Variants in CNTNAP5 observed in about 807,000 individuals in gnomAD.
CNTNAP5 encodes the protein contactin associated protein family member 5.
A neutral mutation model predicts 150.2 loss-of-function variants in CNTNAP5; 72 were observed. The observed-to-expected ratio is 0.48, with a 90% CI of 0.40 to 0.58. CNTNAP5 has a LOEUF of 0.58. Ranked by LOEUF, CNTNAP5 falls within the 20% of genes least tolerant of loss-of-function variation. The pLI is 0.00. For synonymous variants in CNTNAP5, 672 were observed against 619.8 expected, an observed-to-expected ratio of 1.08 and a Z score of -1.25; for missense variants, 1,636 against 1,626.2, an observed-to-expected ratio of 1.01 and a Z score of -0.10.
At chr2:124,362,017 C>A (rs893687691) in intron 3 of CNTNAP5, among the ~76,000 whole-genome samples, 1 of 152,190 alleles carries the variant, frequency 6.6e-6, no homozygotes, top group Non-Finnish European at 1.5e-5. Context: ...TGTGGTGCGC[C>A]GTTTTTTAAG....
In CNTNAP5 at chr2:124,860,414, CCCTTCCTTCCTTCCTTCCTTCCTTCCTT is replaced by C. The variant is rs201141839; in HGVS notation, c.3218-4882_3218-4855del. On this transcript the variant is annotated intron_variant, in intron 19 of 23. Transcript: ENST00000682447. ...TTATTTCCTCCCTGCCTCCCTCTCT[CCCTTCCTTCCTTCCTTCCTTCCTTCCTT>C]CCTTCCTTCTTTCCTTCCTTCCTTC... Among the ~76,000 whole-genome samples, 286 of 95,236 alleles carry C rather than the reference CCCTTCCTTCCTTCCTTCCTTCCTTCCTT, an allele frequency of 3.0e-3. 18 individuals carry two copies. The highest frequency in any genetic ancestry group is 0.018 in the African/African-American group (256 of 13,866). 62.5% of individuals were successfully genotyped at this position (95,236 alleles called of 152,430 possible). A position where few individuals can be genotyped will look rare whatever the true frequency, so the allele number is the denominator to read the frequency against.
chr2:124,385,343 T>C (rs996998058), intron 3 of CNTNAP5, among the ~76,000 whole-genome samples: 2 of 152,146 alleles, frequency 1.3e-5, no homozygotes, highest in African/African-American at 4.8e-5. Flanking sequence ...TGCTAAGAAT[T>C]TTGCATGCAT....
intron 11 of CNTNAP5, among the ~76,000 whole-genome samples, chr2:124,570,245 A>G (rs547263390): frequency 6.6e-6 from 1 of 152,350 alleles, no homozygotes; most frequent in Non-Finnish European, 1.5e-5. Context: ...TAGCAAGAGC[A>G]TTGTTACTTT....
At chr2:124,089,864 C>T (rs191502438) in intron 1 of CNTNAP5, among the ~76,000 whole-genome samples, 99 of 152,326 alleles carry the variant, frequency 6.5e-4, no homozygotes, top group African/African-American at 9.4e-4. Flanking sequence ...CTGTTCTAGC[C>T]CTTTCATGCA....
chr2:124,458,252 T>G (rs1322390399), intron 6 of CNTNAP5, among the ~76,000 whole-genome samples: 1 of 145,056 alleles, frequency 6.9e-6, no homozygotes, highest in Non-Finnish European at 1.5e-5. Flanking sequence ...TAATATAAAA[T>G]ATATATTACA....
intron 1 of CNTNAP5, among the ~76,000 whole-genome samples, chr2:124,148,984 A>G (rs539171723): frequency 6.6e-6 from 1 of 152,166 alleles, no homozygotes; most frequent in African/African-American, 2.4e-5. Context: ...ATGTATGTGC[A>G]TATATAAGAT....
intron 2 of CNTNAP5, among the ~76,000 whole-genome samples, chr2:124,237,359 A>G (rs1686776481): frequency 6.6e-6 from 1 of 152,178 alleles, no homozygotes; most frequent in South Asian, 2.1e-4. Context: ...AGAAGTGGAA[A>G]TAAGTGTAGA....
intron 1 of CNTNAP5, among the ~76,000 whole-genome samples, chr2:124,098,388 A>AGATCCCAGATC: frequency 1.3e-5 from 2 of 152,268 alleles, no homozygotes; most frequent in South Asian, 4.1e-4. Flanking sequence ...AAATCTGGGT[A>AGATCCCAGATC]TAAGTAGATC....
intron 13 of CNTNAP5, among the ~76,000 whole-genome samples, chr2:124,658,512 CTT>C (rs1310362948): frequency 6.7e-6 from 1 of 150,076 alleles, no homozygotes; most frequent in Non-Finnish European, 1.5e-5. Context: ...AAAAAAAAGA[CTT>C]TTGTCAGCCT....
At chr2:124,713,243 C>CTTTTTCTTTCTTTCTT (rs1280851827) in intron 13 of CNTNAP5, among the ~76,000 whole-genome samples, 1 of 65,162 alleles carries the variant, frequency 1.5e-5, no homozygotes, top group African/African-American at 5.8e-5. Context: ...TTCTTTCTTT[C>CTTTTTCTTTCTTTCTT]TCTTTCTTTC....
At chr2:124,785,676 G>C (rs1681552189) in intron 17 of CNTNAP5, among the ~76,000 whole-genome samples, 1 of 152,190 alleles carries the variant, frequency 6.6e-6, no homozygotes, top group Non-Finnish European at 1.5e-5. Context: ...GGAAGTGTGG[G>C]AGAAAGAAGC....
At chr2:124,663,895 C>G (rs558135734) in intron 13 of CNTNAP5, among the ~76,000 whole-genome samples, 1 of 152,240 alleles carries the variant, frequency 6.6e-6, no homozygotes, top group African/African-American at 2.4e-5. Flanking sequence ...TCAGAGTTGG[C>G]AATTTCTTGG....
At chr2:124,822,299 G>T (rs1260834336) in intron 19 of CNTNAP5, among the ~76,000 whole-genome samples, 1 of 152,094 alleles carries the variant, frequency 6.6e-6, no homozygotes, top group African/African-American at 2.4e-5. Flanking sequence ...TATTTCTCAT[G>T]ATTTGTATTT....
chr2:124,902,057 C>A (rs1256402848), intron 21 of CNTNAP5, among the ~76,000 whole-genome samples: 1 of 151,846 alleles, frequency 6.6e-6, no homozygotes, highest in African/African-American at 2.4e-5. Context: ...GACTATTACA[C>A]CTTAGGAAAA....
In CNTNAP5 at chr2:124,763,745, A is replaced by C. The variant is rs1681008439; in HGVS notation, c.2308A>C (p.Arg770=). ...VTQIVITDTD[R]SNSEAAWRIG... ...TCAGATAGTTATCACTGATACCGAC[A>C]GATCAAACTCAGAAGCCGCTTGGAG... The change falls in exon 15 of 24, where the codon AGA becomes CGA. Residue 770 remains arginine, a synonymous_variant. Transcript: ENST00000682447. The C allele has an allele frequency of 6.2e-7, 1 of 1,613,074 alleles. No homozygotes were observed. Among genetic ancestry groups the C allele is most frequent in the Admixed American group, 1.7e-5 (1 of 59,874 alleles).
chr2:124,320,665 G>A (rs1034701392), intron 3 of CNTNAP5, among the ~76,000 whole-genome samples: 1 of 151,870 alleles, frequency 6.6e-6, no homozygotes, highest in Non-Finnish European at 1.5e-5. Flanking sequence ...ACCTTATTTG[G>A]CAGCATTCAA....
intron 1 of CNTNAP5, among the ~76,000 whole-genome samples, chr2:124,187,176 G>A (rs1049238194): frequency 1.3e-5 from 2 of 152,090 alleles, no homozygotes; most frequent in Admixed American, 6.5e-5. Flanking sequence ...AAAAAGAAAA[G>A]GTAGCAAAAA....
chr2:124,317,150 G>T (rs1482337611), intron 3 of CNTNAP5, among the ~76,000 whole-genome samples: 3 of 152,104 alleles, frequency 2.0e-5, no homozygotes, highest in Admixed American at 2.0e-4. Flanking sequence ...CTTCAACTAA[G>T]ACCATAAAAA....
chr2:124,421,290 T>C (rs1025091636), intron 4 of CNTNAP5, among the ~76,000 whole-genome samples: 2 of 152,204 alleles, frequency 1.3e-5, no homozygotes, highest in African/African-American at 2.4e-5. Context: ...AAATAGAATA[T>C]AGCAAAATGG....
Sources: gnomAD v4.1 joint callset for allele counts (sites outside exome capture counted in the v4.1 genomes callset) on GRCh38, gnomAD v4.1.1 for gene constraint, MANE v1.5 for transcripts, NCBI Gene and HGNC (gene_info 2026-07-23, HGNC 2026-07-21) for gene names.